CDH13: variants seen among roughly 807,000 people sequenced by gnomAD.
CDH13 encodes the protein cadherin-13.
CDH13 carries 24 observed loss-of-function variants against 63.8 expected under a neutral mutation model. The ratio of observed to expected loss-of-function variants is 0.38; its 90% CI spans 0.27 to 0.53. The LOEUF (loss-of-function observed/expected upper bound fraction) is 0.53. CDH13 is among the 20% of genes least tolerant of loss of function. The pLI is 0.85. For synonymous variants in CDH13, 503 were observed against 355.3 expected (o/e 1.42, Z -4.67); for missense variants, 1,049 against 903.1 (o/e 1.16, Z -2.07).
chr16:82,972,047 C>G (rs1908834601), intron 2 of CDH13, among the ~76,000 whole-genome samples: 1 of 152,182 alleles, frequency 6.6e-6, no homozygotes, highest in Admixed American at 6.5e-5. Context: ...CACAGATGTG[C>G]CAGATATGTA....
intron 11 of CDH13, among the ~76,000 whole-genome samples, chr16:83,774,138 C>T (rs934659810): frequency 3.3e-5 from 5 of 152,160 alleles, no homozygotes; most frequent in Non-Finnish European, 5.9e-5. Context: ...ATAGTAAATG[C>T]TATTTTACTG....
chr16:83,377,470 A>C (rs1368258106), intron 6 of CDH13, among the ~76,000 whole-genome samples: 2 of 152,108 alleles, frequency 1.3e-5, no homozygotes, highest in Non-Finnish European at 2.9e-5. Context: ...CTTTGATGGG[A>C]CTGTCAAACT....
intron 6 of CDH13, among the ~76,000 whole-genome samples, chr16:83,451,760 C>T (rs2072892993): frequency 6.6e-6 from 1 of 152,224 alleles, no homozygotes; most frequent in Admixed American, 6.5e-5. Flanking sequence ...TCAAGTGATC[C>T]TCCTATCTTG....
intron 6 of CDH13, among the ~76,000 whole-genome samples, chr16:83,467,922 A>T (rs16960567): frequency 0.025 from 3,853 of 152,268 alleles, 168 homozygotes; most frequent in African/African-American, 0.087. Flanking sequence ...GCTTTCTGTC[A>T]TGAGGCTTTC....
intron 6 of CDH13, among the ~76,000 whole-genome samples, chr16:83,369,067 C>T (rs985122365): frequency 1.3e-5 from 2 of 151,240 alleles, no homozygotes; most frequent in South Asian, 2.1e-4. Flanking sequence ...TTCTTTTCCT[C>T]TTAGTAGATA....
At chr16:82,636,988 T>A (rs1222962875) in intron 1 of CDH13, among the ~76,000 whole-genome samples, 2 of 152,186 alleles carry the variant, frequency 1.3e-5, no homozygotes, top group African/African-American at 2.4e-5. Context: ...AGCTTGAATG[T>A]TTTCATCTGT....
chr16:83,567,797 G>C (rs1388462892), intron 7 of CDH13, among the ~76,000 whole-genome samples: 1 of 151,376 alleles, frequency 6.6e-6, no homozygotes, highest in African/African-American at 2.4e-5. Context: ...GGGTTTCACT[G>C]TGTTAGCCAG....
Position 82,644,489 on chromosome 16 carries a change from A to G in CDH13, c.45+17352A>G, listed in dbSNP as rs1163087693. 1.3e-5 allele frequency among the ~76,000 whole-genome samples: 2 copies of G among 152,184 alleles called. No individual in the cohort carries two copies. The highest frequency in any genetic ancestry group is 2.9e-5 in the Non-Finnish European group (2 of 68,044). On this transcript the variant is annotated intron_variant, in intron 1 of 13. Transcript: ENST00000567109. This position sits in a 1 kb window ranked among gnomAD's most constrained non-coding sequence, Gnocchi z 5.7. ...GTTGAAAATGCTGAGTGACAAAGCC[A>G]TTAGCCATGCACAGTGAAACAAGGA...
intron 6 of CDH13, among the ~76,000 whole-genome samples, chr16:83,399,874 G>A (rs1202164310): frequency 6.6e-6 from 1 of 152,108 alleles, no homozygotes; most frequent in African/African-American, 2.4e-5. Flanking sequence ...AGAAACAAAA[G>A]GAGGTTGTAC....
chr16:83,477,906 A>G (rs1376769655), intron 6 of CDH13, among the ~76,000 whole-genome samples: 2 of 152,050 alleles, frequency 1.3e-5, no homozygotes, highest in Admixed American at 6.6e-5. Context: ...AGATGGCTGG[A>G]CGCGGTGGCT....
At chr16:83,443,549 G>A (rs1449326660) in intron 6 of CDH13, among the ~76,000 whole-genome samples, 1 of 151,690 alleles carries the variant, frequency 6.6e-6, no homozygotes, top group Non-Finnish European at 1.5e-5. Context: ...TTATCATGTT[G>A]AGTATAAAGC....
chr16:82,637,334 C>G (rs1212242094), intron 1 of CDH13, among the ~76,000 whole-genome samples: 4 of 151,604 alleles, frequency 2.6e-5, no homozygotes, highest in African/African-American at 9.7e-5. Flanking sequence ...TCTTTTCTTC[C>G]TTTTCTCAAC....
intron 2 of CDH13, among the ~76,000 whole-genome samples, chr16:83,018,385 A>AAAATGATGTT (rs1915017210): frequency 6.6e-6 from 1 of 152,214 alleles, no homozygotes. Context: ...TGTAAGTGAA[A>AAAATGATGTT]AAATGATGTT....
At chr16:82,860,361 G>A (rs1349502132) in intron 2 of CDH13, among the ~76,000 whole-genome samples, 1 of 123,354 alleles carries the variant, frequency 8.1e-6, no homozygotes, top group Non-Finnish European at 1.6e-5. Context: ...ACTGTACATT[G>A]CAGTATCACA....
At chr16:83,556,255 T>C (rs2075600117) in intron 7 of CDH13, among the ~76,000 whole-genome samples, 1 of 152,226 alleles carries the variant, frequency 6.6e-6, no homozygotes, top group Admixed American at 6.5e-5. Context: ...TCATAGTCTC[T>C]TAAGTAAGCC....
chr16:83,735,876 A>T (rs1235913145), intron 10 of CDH13: 14 of 152,148 alleles, frequency 9.2e-5, no homozygotes, highest in Non-Finnish European at 1.5e-5. Context: ...TGGGGTGATG[A>T]GCAGTCCTTG....
At chr16:83,749,639 G>A (rs918503041) in intron 11 of CDH13, among the ~76,000 whole-genome samples, 1 of 152,190 alleles carries the variant, frequency 6.6e-6, no homozygotes, top group African/African-American at 2.4e-5. Context: ...TGAAATATCA[G>A]GTAGACAATG....
rs1011420619 is a variant in CDH13, at chr16:83,019,813, T to C, written c.158-12197T>C. On this transcript the variant is annotated intron_variant, in intron 2 of 13. Coordinates refer to ENST00000567109, the MANE Select transcript of CDH13 (RefSeq NM_001257.5). ...GCCCGGCCAGTAAACCTTTTCTTAA[T>C]GGGTAGAAGGAGGAGTACACTCTAA... 2.2e-5 allele frequency among the ~76,000 whole-genome samples: 3 copies of C among 134,054 alleles called. No individual in the cohort carries two copies. In the Admixed American group the frequency reaches 2.5e-4, roughly 11 times the overall value. The allele number at this position is 134,054 out of a possible 152,430, so 87.9% of individuals were successfully genotyped here. A position where few individuals can be genotyped will look rare whatever the true frequency, so the allele number is the denominator to read the frequency against.
chr16:83,621,838 G>C (rs1484697587), intron 8 of CDH13, among the ~76,000 whole-genome samples: 1 of 151,972 alleles, frequency 6.6e-6, no homozygotes, highest in African/African-American at 2.4e-5. Flanking sequence ...GCAAGGCCTG[G>C]ATATAACTAC....
Sources: allele counts gnomAD v4.1 joint callset (sites outside exome capture counted in the v4.1 genomes callset), GRCh38; gene constraint gnomAD v4.1.1; non-coding constraint Gnocchi (gnomAD v3.1); transcripts MANE v1.5; gene names NCBI Gene and HGNC (gene_info 2026-07-23, HGNC 2026-07-21).